Variants in P3H2 observed in about 807,000 individuals in gnomAD.
P3H2 encodes the protein prolyl 3-hydroxylase 2.
Under a neutral mutation model 87.0 loss-of-function variants are expected in P3H2, and 80 were observed. The ratio of observed to expected loss-of-function variants is 0.92; its 90% CI spans 0.77 to 1.11. The LOEUF is 1.11. Ranked by LOEUF, P3H2 falls within the 50% of genes least tolerant of loss-of-function variation. The pLI, the probability that P3H2 is intolerant of heterozygous loss-of-function variation, is 0.00. For missense variants in P3H2, 1,001 were observed against 923.9 expected, an observed-to-expected ratio of 1.08 and a Z score of -1.08; for synonymous variants, 367 against 359.3, an observed-to-expected ratio of 1.02 and a Z score of -0.24.
intron 1 of P3H2, among the ~76,000 whole-genome samples, chr3:190,053,758 A>T (rs7356074): frequency 0.027 from 4,079 of 152,178 alleles, 203 homozygotes; most frequent in African/African-American, 0.095. Context: ...GGGCCCAGCC[A>T]AAAGTGTCTT....
rs149367527 is a variant in P3H2 at position 189,982,032 on chromosome 3, G to C, written c.1324+1014C>G. On this transcript the variant is annotated intron_variant, in intron 8 of 14. Transcript: ENST00000319332. Reference sequence around the variant, plus strand: ...AGGAATGTGCTGACAAGATCTCCTGGGGAAAGAAGTACTGTACAGCTTCCC... The same window carrying C: ...AGGAATGTGCTGACAAGATCTCCTGCGGAAAGAAGTACTGTACAGCTTCCC... 1.8e-3 allele frequency among the ~76,000 whole-genome samples: 268 copies of C among 152,282 alleles called. 1 individual carries two copies. Among genetic ancestry groups the C allele is most frequent in the East Asian group, 4.8e-3 (25 of 5,174 alleles).
intron 1 of P3H2, among the ~76,000 whole-genome samples, chr3:190,042,667 A>T: frequency 6.6e-6 from 1 of 152,220 alleles, no homozygotes; most frequent in East Asian, 1.9e-4. Context: ...TCCAGTCCCT[A>T]CAGTAAACCT....
At chr3:190,050,507 T>G (rs1222912576) in intron 1 of P3H2, among the ~76,000 whole-genome samples, 1 of 152,164 alleles carries the variant, frequency 6.6e-6, no homozygotes, top group Non-Finnish European at 1.5e-5. Context: ...GACTTAGATG[T>G]CAGGTTTTGT....
At chr3:190,073,886 G>A (rs537514706) in intron 1 of P3H2, among the ~76,000 whole-genome samples, 81 of 152,248 alleles carry the variant, frequency 5.3e-4, no homozygotes, top group African/African-American at 1.9e-3. Context: ...TGTGAACTTT[G>A]CCTGAATTTT....
chr3:190,077,483 C>G (rs1046798064), intron 1 of P3H2, among the ~76,000 whole-genome samples: 2 of 152,188 alleles, frequency 1.3e-5, no homozygotes, highest in Non-Finnish European at 2.9e-5. Flanking sequence ...TGGACACACA[C>G]ACAAACCAGC....
chr3:190,005,254 A>G (rs1724351997), intron 1 of P3H2, among the ~76,000 whole-genome samples: 1 of 151,980 alleles, frequency 6.6e-6, no homozygotes, highest in African/African-American at 2.4e-5. Flanking sequence ...TCAGACATCA[A>G]ATGCTTGTCA....
chr3:190,066,143 G>GTGTATATA lies in P3H2; in HGVS notation c.480+54108_480+54109insTATATACA, dbSNP rs58939026. Among the ~76,000 whole-genome samples, 50 of 138,794 alleles carry GTGTATATA rather than the reference G, an allele frequency of 3.6e-4. 2 individuals carry two copies. Among genetic ancestry groups the GTGTATATA allele is most frequent in the African/African-American group, 1.3e-3 (44 of 34,916 alleles). The allele number at this position is 138,794 out of a possible 152,430, so 91.1% of individuals were successfully genotyped here. On this transcript the variant is annotated intron_variant, in intron 1 of 14. Transcript: ENST00000319332. The stretch of plus-strand genomic sequence containing the variant: ...CGAGTGGATAAAGAAACTGTGGTGT[G>GTGTATATA]TATATATATATATATACACACACAC...
At chr3:190,092,423 G>A (rs1450857195) in intron 1 of P3H2, among the ~76,000 whole-genome samples, 1 of 152,182 alleles carries the variant, frequency 6.6e-6, no homozygotes, top group Non-Finnish European at 1.5e-5. Flanking sequence ...AACCCTCCAA[G>A]AAGACAGTTG....
At chr3:190,069,699 C>T (rs1198670001) in intron 1 of P3H2, among the ~76,000 whole-genome samples, 1 of 152,020 alleles carries the variant, frequency 6.6e-6, no homozygotes, top group African/African-American at 2.4e-5. Flanking sequence ...GGAAATCTAG[C>T]GAGGGTGGGA....
Position 189,971,914 on chromosome 3 carries a change from G to A in P3H2, c.1793C>T (p.Pro598Leu). The A allele has an allele frequency of 1.2e-6, 2 of 1,610,140 alleles. No homozygotes were observed. Among genetic ancestry groups the A allele is most frequent in the Non-Finnish European group, 1.7e-6 (2 of 1,176,356 alleles). ...CCTATAGTCTCGAAATGTGTAAGCA[G>A]GAGGCTCCTTCCAGCATTCGTTGGC... ...PEANECWKEP[P>L]AYTFRDYSAL... The change falls in exon 12 of 15, where the codon CCT (proline) becomes CTT (leucine). Residue 598 changes from proline to leucine, a missense_variant. Physicochemically the swap from Pro to Leu is moderately conservative, Grantham distance 98. Coordinates refer to ENST00000319332, the MANE Select transcript of P3H2 (RefSeq NM_018192.4).
intron 14 of P3H2, among the ~76,000 whole-genome samples, chr3:189,960,910 C>G (rs1448432962): frequency 2.0e-5 from 3 of 151,200 alleles, no homozygotes; most frequent in Non-Finnish European, 4.4e-5. Context: ...ATAAAAAGCC[C>G]AAGTACTACT....
chr3:189,984,411 T>C lies in P3H2; in HGVS notation c.1229+139A>G, dbSNP rs710558. The C allele has an allele frequency of 0.8, 532,753 of 664,794 alleles. 214,916 individuals carry two copies. Among genetic ancestry groups the C allele is most frequent in the East Asian group, 0.92 (33,625 of 36,686 alleles). 41.2% of individuals were successfully genotyped at this position (664,794 alleles called of 1,614,324 possible). ...GGCAGGAAGAGCTGGGACCTGGATG[T>C]AGAGCTCCTAATTCAGAGCTTAGAA... On this transcript the variant is annotated intron_variant, in intron 7 of 14. Transcript: ENST00000319332.
chr3:190,090,610 G>A (rs1271982482), intron 1 of P3H2, among the ~76,000 whole-genome samples: 4 of 152,078 alleles, frequency 2.6e-5, no homozygotes, highest in African/African-American at 9.7e-5. Context: ...GGCTGAGGCA[G>A]GAGAATGGTG....
intron 1 of P3H2, among the ~76,000 whole-genome samples, chr3:189,997,952 G>T (rs962596134): frequency 2.6e-5 from 4 of 152,252 alleles, no homozygotes; most frequent in African/African-American, 9.6e-5. Flanking sequence ...TTAAACACTG[G>T]TGCTTTAATT....
rs1448951110 is a variant in P3H2 at position 190,019,783 on chromosome 3, AAAATATATATAT to A, written c.481-24353_481-24342del. Among the ~76,000 whole-genome samples, 578 of 99,204 alleles carry A rather than the reference AAAATATATATAT, an allele frequency of 5.8e-3. 105 individuals carry two copies. Among genetic ancestry groups the A allele is most frequent in the South Asian group, 0.021 (62 of 2,920 alleles). 65.1% of individuals were successfully genotyped at this position (99,204 alleles called of 152,430 possible). A position where few individuals can be genotyped will look rare whatever the true frequency, so the allele number is the denominator to read the frequency against. On this transcript the variant is annotated intron_variant, in intron 1 of 14. Coordinates refer to ENST00000319332, the MANE Select transcript of P3H2 (RefSeq NM_018192.4). ...CCATGTGACATTACCTAGAAATTAAAAAATATATATATATATATATATATATATATATACTCA... is the reference window on the plus strand; with the variant it reads ...CCATGTGACATTACCTAGAAATTAAAATATATATATATATATATATACTCA...
intron 1 of P3H2, among the ~76,000 whole-genome samples, chr3:190,011,681 A>T (rs1451502383): frequency 1.3e-5 from 2 of 152,232 alleles, no homozygotes; most frequent in Admixed American, 6.5e-5. Flanking sequence ...TTAAGACTCC[A>T]GATAAACTAT....
chr3:189,988,771 G>T (rs1420711019), intron 4 of P3H2, 136 bp downstream of exon 4: 5 of 1,104,068 alleles, frequency 4.5e-6, no homozygotes, highest in Non-Finnish European at 6.9e-6. Flanking sequence ...TGCAGCTCAG[G>T]AGAGAAGAAA....
intron 1 of P3H2, among the ~76,000 whole-genome samples, chr3:190,082,088 T>C (rs1304017766): frequency 6.6e-6 from 1 of 152,084 alleles, no homozygotes; most frequent in Non-Finnish European, 1.5e-5. Flanking sequence ...AAACTGCATC[T>C]CTACTAAAGA....
At chr3:190,031,260 C>T (rs868115780) in intron 1 of P3H2, among the ~76,000 whole-genome samples, 2 of 152,152 alleles carry the variant, frequency 1.3e-5, no homozygotes, top group African/African-American at 4.8e-5. Context: ...ATTCAACATG[C>T]ATATACATAA....
Sources: allele counts gnomAD v4.1 joint callset (sites outside exome capture counted in the v4.1 genomes callset), GRCh38; gene constraint gnomAD v4.1.1; transcripts MANE v1.5; gene names NCBI Gene and HGNC (gene_info 2026-07-23, HGNC 2026-07-21).